BRD9: variants seen among roughly 807,000 people sequenced by gnomAD.
The protein encoded by BRD9 is bromodomain containing 9.
In BRD9, 47 loss-of-function variants were observed where a neutral mutation model predicts 68.7. The observed-to-expected ratio is 0.68, with a 90% CI of 0.54 to 0.87. The LOEUF is 0.87. Ranked by LOEUF, BRD9 falls within the 40% of genes least tolerant of loss-of-function variation. The pLI is 0.00. For synonymous variants in BRD9, 313 were observed against 293.9 expected (o/e 1.06, Z -0.67); for missense variants, 670 against 748.4 (o/e 0.90, Z 1.22).
intron 9 of BRD9, among the ~76,000 whole-genome samples, chr5:880,605 G>A (rs1274281121): frequency 6.6e-5 from 10 of 152,154 alleles, no homozygotes; most frequent in Admixed American, 5.2e-4. Context: ...TCACACTTTC[G>A]TTCAAAGGAC....
intron 2 of BRD9, 153 bp from the exon 3 acceptor site, chr5:891,440 C>G (rs1217879494): frequency 7.5e-7 from 1 of 1,341,704 alleles, no homozygotes; most frequent in Non-Finnish European, 9.9e-7. Context: ...TCACAGAGAC[C>G]CTGGCAGGGT....
chr5:870,476 G>T lies in BRD9; in HGVS notation c.1522C>A (p.Leu508Met), dbSNP rs1749980753. 3 of 1,612,882 alleles carry T rather than the reference G, an allele frequency of 1.9e-6. No individual in the cohort carries two copies. The highest frequency in any genetic ancestry group is 2.5e-6 in the Non-Finnish European group (3 of 1,178,874). ...GAAAGTGCCTGTTACAACTCACCCA[G>T]AGAGCTGAGCATGGAGATATCCACA... ...VSVDISMLSS[L>M]GKVKKELDPD... is the part of the protein sequence containing the mutation. The change falls in exon 14 of 16, where the codon CTG becomes ATG. Residue 508 changes from leucine to methionine, a missense_variant. By Grantham distance (15) the Leu-to-Met change is conservative. Coordinates refer to ENST00000467963, the MANE Select transcript of BRD9 (RefSeq NM_023924.5).
Position 892,628 on chromosome 5 carries a change from G to A in BRD9, c.30C>T (p.Ala10=), listed in dbSNP as rs1032472575. The change falls in exon 1 of 16, where the codon GCC becomes GCT. Residue 10 remains alanine (A), a synonymous_variant. Coordinates refer to ENST00000467963, the MANE Select transcript of BRD9 (RefSeq NM_023924.5). ...CACCCTCGTAGGACGAGCGCCACTCGGCCTTGTGCTTCTTGTGCTTCTTGC... is the reference window on the plus strand; with the variant it reads ...CACCCTCGTAGGACGAGCGCCACTCAGCCTTGTGCTTCTTGTGCTTCTTGC... MGKKHKKHK[A]EWRSSYEDYA... is the part of the protein sequence containing the mutation. 6 of 1,510,904 alleles carry A rather than the reference G, an allele frequency of 4.0e-6. No homozygotes were observed. In the South Asian group the frequency reaches 6.2e-5, roughly 15 times the overall value. The allele number at this position is 1,510,904 out of a possible 1,614,324, so 93.6% of individuals were successfully genotyped here. A position where few individuals can be genotyped will look rare whatever the true frequency, so the allele number is the denominator to read the frequency against.
chr5:865,741 T>C lies in BRD9; in HGVS notation c.1526-160A>G, dbSNP rs1275077811. On this transcript the variant is annotated intron_variant, in intron 14 of 15. Coordinates refer to ENST00000467963, the MANE Select transcript of BRD9 (RefSeq NM_023924.5). Reference sequence around the variant, plus strand: ...CTCACAGCAGACAGGTGGACAGGCCTGGAGGACAGACATTACCCTTAGCAG... The same window carrying C: ...CTCACAGCAGACAGGTGGACAGGCCCGGAGGACAGACATTACCCTTAGCAG... 5 of 751,850 alleles carry C rather than the reference T, an allele frequency of 6.7e-6. 1 individual carries two copies. In the East Asian group the frequency reaches 1.3e-4, roughly 20 times the overall value. 46.6% of individuals were successfully genotyped at this position (751,850 alleles called of 1,614,324 possible). A position where few individuals can be genotyped will look rare whatever the true frequency, so the allele number is the denominator to read the frequency against.
At chr5:890,617 C>A (rs1753218297) in intron 3 of BRD9, among the ~76,000 whole-genome samples, 1 of 152,354 alleles carries the variant, frequency 6.6e-6, no homozygotes, top group East Asian at 1.9e-4. Flanking sequence ...AGCCTATGGT[C>A]ACTTTCAGCA....
chr5:886,477 T>TA, intron 7 of BRD9, 115 bp downstream of exon 7: 1 of 1,048,774 alleles, frequency 9.5e-7, no homozygotes, highest in Non-Finnish European at 1.4e-6. Context: ...ACCAAGAATG[T>TA]CTATGTGACA....
chr5:873,349 C>A (rs1360298788), intron 12 of BRD9, among the ~76,000 whole-genome samples: 1 of 152,174 alleles, frequency 6.6e-6, no homozygotes, highest in East Asian at 1.9e-4. Context: ...TGAATTTCTT[C>A]CTGACGGGCC....
At chr5:888,892 C>T in intron 5 of BRD9, 129 bp downstream of exon 5, 1 of 973,444 alleles carries the variant, frequency 1.0e-6, no homozygotes, top group Non-Finnish European at 1.5e-6. Context: ...GTCTGTAAAA[C>T]ATCATCCGAA....
At chr5:876,603 G>A (rs1234445198) in intron 11 of BRD9, among the ~76,000 whole-genome samples, 2 of 152,236 alleles carry the variant, frequency 1.3e-5, no homozygotes, top group Non-Finnish European at 2.9e-5. Context: ...GCGTGGGGCA[G>A]GGGTGGGCCG....
At position 883,727 on chromosome 5, in the gene BRD9, A is replaced by G. The variant is rs564185075; in HGVS notation, c.966+211T>C. The G allele has an allele frequency of 5.6e-4, 367 of 650,500 alleles. 3 individuals carry two copies. In the South Asian group the frequency reaches 5.9e-3, roughly 10 times the overall value. The allele number at this position is 650,500 out of a possible 1,614,324, so 40.3% of individuals were successfully genotyped here. A position where few individuals can be genotyped will look rare whatever the true frequency, so the allele number is the denominator to read the frequency against. On this transcript the variant is annotated intron_variant, in intron 8 of 15. Coordinates refer to ENST00000467963, the MANE Select transcript of BRD9 (RefSeq NM_023924.5). Reference sequence around the variant, plus strand: ...GACCACGTGGCCTCCACGATGCATGAAACACCAGCGGCAGCCCTGCCAGAG... The same window carrying G: ...GACCACGTGGCCTCCACGATGCATGGAACACCAGCGGCAGCCCTGCCAGAG...
chr5:886,443 A>T, intron 7 of BRD9, 149 bp downstream of exon 7: 3 of 829,160 alleles, frequency 3.6e-6, no homozygotes, highest in Non-Finnish European at 5.6e-6. Flanking sequence ...GTCTGGCCAC[A>T]CTCCTCCTGC....
chr5:869,768 C>T lies in BRD9; in HGVS notation c.1525+705G>A, dbSNP rs111371172. 1.8e-4 allele frequency among the ~76,000 whole-genome samples: 27 copies of T among 152,322 alleles called. 1 individual carries two copies. Among genetic ancestry groups the T allele is most frequent in the African/African-American group, 5.8e-4 (24 of 41,572 alleles). On this transcript the variant is annotated intron_variant, in intron 14 of 15. Coordinates refer to ENST00000467963, the MANE Select transcript of BRD9 (RefSeq NM_023924.5). The stretch of plus-strand genomic sequence containing the variant: ...GAAATCTCTGAATCCACCAACGACC[C>T]GACATTCCTCGCTTCAAGTTGTCCC...
chr5:887,536 T>C (rs1752743950), intron 5 of BRD9, 65 bp from the exon 6 acceptor site: 2 of 1,263,274 alleles, frequency 1.6e-6, no homozygotes, highest in Non-Finnish European at 2.3e-6. Flanking sequence ...AAGCTCTAGA[T>C]GACTACCAAG....
chr5:889,551 C>G (rs781082062), intron 4 of BRD9, 36 bp downstream of exon 4: 5 of 1,609,652 alleles, frequency 3.1e-6, no homozygotes, highest in South Asian at 2.2e-5. Flanking sequence ...ACCACACCCC[C>G]CCAGACACTA....
intron 7 of BRD9, among the ~76,000 whole-genome samples, chr5:885,332 G>A (rs901109227): frequency 5.9e-5 from 9 of 152,208 alleles, no homozygotes; most frequent in Non-Finnish European, 1.2e-4. Context: ...AGCCAAGGCT[G>A]CAGGACCTGA....
chr5:883,043 C>A (rs1752024803), intron 8 of BRD9: 2 of 349,050 alleles, frequency 5.7e-6, no homozygotes, highest in South Asian at 4.4e-5. Flanking sequence ...CCATACAGAC[C>A]ACTGCAACTT....
chr5:865,266 A>C, intron 15 of BRD9, 148 bp downstream of exon 15: 1 of 1,107,510 alleles, frequency 9.0e-7, no homozygotes, highest in South Asian at 1.7e-5. Flanking sequence ...ACCCAAGGAC[A>C]TCTGTGGAAA....
chr5:877,043 G>T (rs1751051304), intron 11 of BRD9, among the ~76,000 whole-genome samples: 1 of 152,226 alleles, frequency 6.6e-6, no homozygotes, highest in Non-Finnish European at 1.5e-5. Context: ...CAGCCACAAG[G>T]CAGGCGGGGT....
At chr5:889,558 A>G in intron 4 of BRD9, 29 bp downstream of exon 4, 3 of 1,611,662 alleles carry the variant, frequency 1.9e-6, no homozygotes, top group Non-Finnish European at 2.5e-6. Flanking sequence ...CCCCCCAGAC[A>G]CTAGCTCTTC....
Sources: allele counts gnomAD v4.1 joint callset (sites outside exome capture counted in the v4.1 genomes callset), GRCh38; gene constraint gnomAD v4.1.1; transcripts MANE v1.5; gene names NCBI Gene and HGNC (gene_info 2026-07-23, HGNC 2026-07-21).